HPS4: variants seen among roughly 807,000 people sequenced by gnomAD.
HPS4 encodes the protein BLOC-3 complex member HPS4.
Under a neutral mutation model 70.3 loss-of-function variants are expected in HPS4, and 44 were observed. The ratio of observed to expected loss-of-function variants is 0.63; its 90% CI spans 0.49 to 0.80. HPS4 has a LOEUF of 0.80. Ranked by LOEUF, HPS4 falls within the 30% of genes least tolerant of loss-of-function variation. HPS4 has a pLI of 0.00. For synonymous variants in HPS4, 377 were observed against 355.9 expected, an observed-to-expected ratio of 1.06 and a Z score of -0.67; for missense variants, 873 against 884.4, an observed-to-expected ratio of 0.99 and a Z score of 0.16.
intron 8 of HPS4, chr22:26,466,748 G>GCTATACCCAATCTCTCGTTT: frequency 1.3e-4 from 22 of 168,524 alleles, no homozygotes; most frequent in Non-Finnish European, 2.3e-4. Context: ...CGTTTGTTCT[G>GCTATACCCAATCTCTCGTTT]GTTCACAATC....
chr22:26,459,181 C>T (rs1458276911), intron 11 of HPS4, among the ~76,000 whole-genome samples: 4 of 152,212 alleles, frequency 2.6e-5, no homozygotes, highest in Non-Finnish European at 4.4e-5. Flanking sequence ...CTCTCTGCTA[C>T]ACCTAGCACG....
In HPS4 at chr22:26,455,737, T is replaced by A. The variant is rs573119902; in HGVS notation, c.1955+2122A>T. The stretch of plus-strand genomic sequence containing the variant: ...TGTACCCTAAAACTTATAATAATAA[T>A]AAAATTAAAAAAAAAAAGAAATGGT... On this transcript the variant is annotated intron_variant, in intron 13 of 13. Coordinates refer to ENST00000398145, the MANE Select transcript of HPS4 (RefSeq NM_022081.6). Among the ~76,000 whole-genome samples, 6 of 150,172 alleles carry A rather than the reference T, an allele frequency of 4.0e-5. No homozygotes were observed. In the East Asian group the frequency reaches 1.2e-3, roughly 29 times the overall value.
In HPS4 at chr22:26,464,599, G is replaced by C. The variant is rs1314373498; in HGVS notation, c.1031C>G (p.Ser344Cys). 1.9e-6 allele frequency: 3 copies of C among 1,614,108 alleles called. No individual in the cohort carries two copies. The highest frequency in any genetic ancestry group is 2.5e-6 in the Non-Finnish European group (3 of 1,180,058). Residue 344 changes from serine to cysteine, a missense_variant, in exon 11 of 14, where the codon TCT (serine) becomes TGT (cysteine). By Grantham distance (112) the Ser-to-Cys change is moderately radical. Transcript: ENST00000398145. ...ESIRPAGLHN[S>C]ARGEVLGLSS... ...GAGGCCAAGAACCTCACCCCTGGCA[G>C]AGTTGTGCAGTCCTGCGGGCCTGAT...
Position 26,480,155 on chromosome 22 carries a change from C to T in HPS4, c.42-800G>A, listed in dbSNP as rs910891260. Among the ~76,000 whole-genome samples the T allele has an allele frequency of 2.6e-5, 4 of 152,124 alleles. No individual in the cohort carries two copies. In the South Asian group the frequency reaches 8.3e-4, roughly 32 times the overall value. ...CCTCTTTAAGACCATAAAACAAACA[C>T]CTCAAAGGCCAGGCCTCAATTTTGT... On this transcript the variant is annotated intron_variant, in intron 2 of 13. Coordinates refer to ENST00000398145, the MANE Select transcript of HPS4 (RefSeq NM_022081.6).
chr22:26,471,219 C>G (rs1443801193), intron 6 of HPS4: 3 of 393,726 alleles, frequency 7.6e-6, no homozygotes, highest in African/African-American at 4.2e-5. Flanking sequence ...CTACCCTATC[C>G]TCCACTTTCC....
At chr22:26,446,349 T>C (rs78984610), downstream of HPS4, among the ~76,000 whole-genome samples, 1,377 of 152,288 alleles carry the variant, frequency 9.0e-3, 21 homozygotes, top group African/African-American at 0.032. Flanking sequence ...CTGTCCTTGG[T>C]GACAGCGATT....
intron 3 of HPS4, chr22:26,444,864 A>G (rs1184070809): frequency 6.6e-6 from 1 of 152,208 alleles, no homozygotes. Context: ...TTATCTTGTT[A>G]AAGAATCACT....
chr22:26,483,798 G>A (rs1273664795), upstream of HPS4: 4 of 1,031,822 alleles, frequency 3.9e-6, no homozygotes, highest in Non-Finnish European at 3.8e-6. Flanking sequence ...TAGGTCACGC[G>A]CCGCCCCGCC....
chr22:26,450,017 TC>T (rs1171984655), downstream of HPS4, among the ~76,000 whole-genome samples: 1 of 152,156 alleles, frequency 6.6e-6, no homozygotes, highest in African/African-American at 2.4e-5. Flanking sequence ...ATCACTCCAG[TC>T]TTTGCCATCT....
chr22:26,470,159 G>C (rs1569093808), intron 7 of HPS4, among the ~76,000 whole-genome samples: 1 of 152,256 alleles, frequency 6.6e-6, no homozygotes, highest in African/African-American at 2.4e-5. Flanking sequence ...AGAGGCCTTA[G>C]ATGACCTAGA....
chr22:26,446,945 C>T (rs1225498688), downstream of HPS4, among the ~76,000 whole-genome samples: 1 of 152,158 alleles, frequency 6.6e-6, no homozygotes, highest in Non-Finnish European at 1.5e-5. Context: ...AGGCTGATCT[C>T]GAACTCCTAA....
At chr22:26,481,292 C>T (rs562980706) in intron 2 of HPS4, among the ~76,000 whole-genome samples, 44 of 152,242 alleles carry the variant, frequency 2.9e-4, no homozygotes, top group African/African-American at 7.9e-4. Flanking sequence ...AAAGGATTAA[C>T]GCATTTAGGG....
intron 9 of HPS4, chr22:26,466,022 T>C: frequency 6.6e-7 from 1 of 1,516,402 alleles, no homozygotes; most frequent in Non-Finnish European, 8.8e-7. Context: ...AGCAGGGATT[T>C]GACAGCATGC....
intron 5 of HPS4, 77 bp from the exon 6 acceptor site, chr22:26,472,495 A>C: frequency 2.1e-6 from 2 of 960,892 alleles, no homozygotes; most frequent in South Asian, 1.3e-5. Context: ...CAACTACCTC[A>C]AAAATTGTTC....
Position 26,470,821 on chromosome 22 carries a change from G to A in HPS4, c.502-8C>T, listed in dbSNP as rs771264373. ...CAACAACAGGGGCTCCACCTGTGCA[G>A]GGCAAGAGGCATCATGCCCACCCAT... On this transcript the variant is annotated splice_polypyrimidine_tract_variant and splice_region_variant and intron_variant, in intron 6 of 13. Transcript: ENST00000398145. 3.7e-6 allele frequency: 6 copies of A among 1,614,150 alleles called. No individual in the cohort carries two copies. Among genetic ancestry groups the A allele is most frequent in the Admixed American group, 1.7e-5 (1 of 60,018 alleles).
Position 26,452,110 on chromosome 22 carries a change from T to C in HPS4, c.*1123A>G. 2.9e-6 allele frequency: 1 copy of C among 344,418 alleles called. No individual in the cohort carries two copies. The highest frequency in any genetic ancestry group is 5.7e-6 in the Non-Finnish European group (1 of 176,590). 21.3% of individuals were successfully genotyped at this position (344,418 alleles called of 1,614,324 possible). On this transcript the variant is annotated 3_prime_UTR_variant, in exon 14 of 14. Transcript: ENST00000398145. ...TAATTACTCAGAACTCCAGCATTTT[T>C]TGGCTATTTTATTTCTAGCCCTTGG...
At chr22:26,473,741 CAAAAAAA>C (rs376818517) in intron 4 of HPS4, among the ~76,000 whole-genome samples, 1 of 137,694 alleles carries the variant, frequency 7.3e-6, no homozygotes, top group East Asian at 2.1e-4. Context: ...GACACCGTCT[CAAAAAAA>C]AAAAAGTACT....
intron 13 of HPS4, among the ~76,000 whole-genome samples, chr22:26,457,219 T>C (rs1295002231): frequency 1.3e-5 from 2 of 148,472 alleles, no homozygotes; most frequent in African/African-American, 2.5e-5. Flanking sequence ...ACTTTTTTTT[T>C]TTTTTTTTTT....
chr22:26,465,894 C>G (rs901068792), intron 9 of HPS4: 10 of 607,746 alleles, frequency 1.6e-5, no homozygotes, highest in Non-Finnish European at 2.9e-5. Flanking sequence ...CCTGAGGACG[C>G]CTCCACATCC....
Sources: gnomAD v4.1 joint callset for allele counts (sites outside exome capture counted in the v4.1 genomes callset) on GRCh38, gnomAD v4.1.1 for gene constraint, MANE v1.5 for transcripts, NCBI Gene and HGNC (gene_info 2026-07-23, HGNC 2026-07-21) for gene names.